Variants in TRERF1 observed in about 807,000 individuals in gnomAD.
TRERF1 encodes the protein transcriptional-regulating factor 1.
A neutral mutation model predicts 122.9 loss-of-function variants in TRERF1; 27 were observed. The observed-to-expected ratio is 0.22, with a 90% CI of 0.16 to 0.30. The LOEUF is 0.30. Among genes scored for constraint, TRERF1 ranks in the 10% least tolerant of loss-of-function variants. The probability of loss-of-function intolerance (pLI) is 1.00; values close to 1 mark genes in which losing one functional copy is unlikely to be tolerated. For synonymous variants in TRERF1, 636 were observed against 641.7 expected (o/e 0.99, Z 0.13); for missense variants, 1,248 against 1,560.3 (o/e 0.80, Z 3.37).
At chr6:42,377,461 C>CT (rs1775113305) in intron 2 of TRERF1, among the ~76,000 whole-genome samples, 1 of 152,208 alleles carries the variant, frequency 6.6e-6, no homozygotes, top group Non-Finnish European at 1.5e-5. Context: ...AGCATAATGT[C>CT]TTCAAGGTTC....
intron 2 of TRERF1, among the ~76,000 whole-genome samples, chr6:42,423,083 C>A (rs963203730): frequency 1.3e-5 from 2 of 152,232 alleles, no homozygotes; most frequent in Non-Finnish European, 2.9e-5. Context: ...AGGTGATCTG[C>A]TTGCCTCTGC....
At chr6:42,381,621 T>C (rs1169073211) in intron 2 of TRERF1, among the ~76,000 whole-genome samples, 1 of 151,886 alleles carries the variant, frequency 6.6e-6, no homozygotes, top group Non-Finnish European at 1.5e-5. Context: ...CCAGCCGTGA[T>C]TGAAGCTGGG....
At chr6:42,427,281 C>T (rs1783765421) in intron 2 of TRERF1, among the ~76,000 whole-genome samples, 1 of 152,136 alleles carries the variant, frequency 6.6e-6, no homozygotes, top group Non-Finnish European at 1.5e-5. Context: ...TTGATGGAGA[C>T]AAGGTCTCAC....
intron 2 of TRERF1, among the ~76,000 whole-genome samples, chr6:42,445,224 C>T (rs752540424): frequency 6.7e-6 from 1 of 150,286 alleles, no homozygotes; most frequent in East Asian, 1.9e-4. Flanking sequence ...GCTGAGATCA[C>T]GCCACTGCAC....
At chr6:42,333,998 TACACACACAC>T (rs3997687) in intron 3 of TRERF1, among the ~76,000 whole-genome samples, 12 of 147,170 alleles carry the variant, frequency 8.2e-5, no homozygotes, top group Non-Finnish European at 1.1e-4. Context: ...ACACATACAC[TACACACACAC>T]ACACACACAC....
intron 3 of TRERF1, among the ~76,000 whole-genome samples, chr6:42,306,840 C>A (rs1026735975): frequency 3.9e-5 from 6 of 152,302 alleles, no homozygotes; most frequent in African/African-American, 1.4e-4. Flanking sequence ...TTGGTCTCCC[C>A]AGTCAGACTG....
chr6:42,365,053 G>A (rs73430816), intron 2 of TRERF1, among the ~76,000 whole-genome samples: 1 of 152,136 alleles, frequency 6.6e-6, no homozygotes, highest in Non-Finnish European at 1.5e-5. Flanking sequence ...GAGTGGGCTC[G>A]CCGTGGAGTA....
In TRERF1 at chr6:42,268,435, AG is replaced by A. The variant is rs1779613531; in HGVS notation, c.1155del (p.Tyr386ThrfsTer22). On this transcript the variant is annotated frameshift_variant, in exon 5 of 18. Transcript: ENST00000372922. LOFTEE classifies it high-confidence loss of function. The surrounding 1 kb of genome is among the most constrained non-coding windows in gnomAD (Gnocchi z 4.4). ...CTCTGCTGGTAGAGGGGGTGGCTGT[AG>A]GGCTGCTGGGGCTCCTGGTAGTAGT... 1 of 1,574,692 alleles carries A rather than the reference AG, an allele frequency of 6.4e-7. No individual in the cohort carries two copies. The highest frequency in any genetic ancestry group is 1.3e-5 in the African/African-American group (1 of 74,108).
At chr6:42,366,891 C>G (rs1233304152) in intron 2 of TRERF1, among the ~76,000 whole-genome samples, 1 of 152,142 alleles carries the variant, frequency 6.6e-6, no homozygotes, top group Admixed American at 6.5e-5. Context: ...ACAGGCAGAT[C>G]TGGGTAACAT....
rs200349355 is a variant in TRERF1 at position 42,259,731 on chromosome 6, C to G, written c.1885-8G>C. On this transcript the variant is annotated splice_polypyrimidine_tract_variant and splice_region_variant and intron_variant, in intron 8 of 17. Coordinates refer to ENST00000372922, the Ensembl canonical transcript of TRERF1. This position sits in a 1 kb window ranked among gnomAD's most constrained non-coding sequence, Gnocchi z 4.9. ...ATGCTTCCTGGGGATTTCCTAAAAC[C>G]GGAACAACGATCTGATTCGAATACT... The G allele has an allele frequency of 9.4e-6, 15 of 1,600,742 alleles. No homozygotes were observed. The highest frequency in any genetic ancestry group is 1.2e-5 in the Non-Finnish European group (14 of 1,179,902).
intron 14 of TRERF1, among the ~76,000 whole-genome samples, chr6:42,244,607 G>A (rs1774416091): frequency 6.6e-6 from 1 of 152,104 alleles, no homozygotes; most frequent in African/African-American, 2.4e-5. Context: ...TCTCAATATA[G>A]CTTGGAAATT....
chr6:42,401,699 A>G (rs1779411647), intron 2 of TRERF1, among the ~76,000 whole-genome samples: 1 of 151,494 alleles, frequency 6.6e-6, no homozygotes, highest in South Asian at 2.1e-4. Flanking sequence ...GCCACTTACC[A>G]CTCTCCACAC....
At chr6:42,330,003 G>C (rs511482) in intron 3 of TRERF1, among the ~76,000 whole-genome samples, 75 of 152,006 alleles carry the variant, frequency 4.9e-4, no homozygotes, top group African/African-American at 1.7e-3. Context: ...GAAAAAAAAA[G>C]TATTGATTCT....
chr6:42,274,931 G>A (rs928144269), intron 4 of TRERF1, among the ~76,000 whole-genome samples: 4 of 152,050 alleles, frequency 2.6e-5, no homozygotes, highest in South Asian at 4.1e-4. Context: ...GTAAAAATAC[G>A]GGCGTGAAAA....
At chr6:42,386,452 A>G (rs2151198047) in intron 2 of TRERF1, among the ~76,000 whole-genome samples, 1 of 152,248 alleles carries the variant, frequency 6.6e-6, no homozygotes, top group South Asian at 2.1e-4. Flanking sequence ...CAAAAAAAGG[A>G]GAAAGAAAGA....
chr6:42,282,474 G>A (rs928866977), intron 4 of TRERF1, among the ~76,000 whole-genome samples: 1 of 152,210 alleles, frequency 6.6e-6, no homozygotes, highest in Non-Finnish European at 1.5e-5. Context: ...ATTGAGCCCA[G>A]AAGGTTAAGG....
chr6:42,449,800 C>T (rs1254612662), intron 2 of TRERF1, among the ~76,000 whole-genome samples: 1 of 152,154 alleles, frequency 6.6e-6, no homozygotes, highest in Non-Finnish European at 1.5e-5. Flanking sequence ...GGAAATCTGA[C>T]GACAGTTAGG....
At chr6:42,271,575 A>G (rs115083547) in intron 4 of TRERF1, among the ~76,000 whole-genome samples, 362 of 152,290 alleles carry the variant, frequency 2.4e-3, no homozygotes, top group African/African-American at 8.3e-3. Context: ...TCAATTAAAA[A>G]AAGTTTATTT....
At chr6:42,340,884 A>T (rs1034102472) in intron 3 of TRERF1, among the ~76,000 whole-genome samples, 2 of 152,168 alleles carry the variant, frequency 1.3e-5, no homozygotes, top group Admixed American at 6.5e-5. Flanking sequence ...TTCCTCCATA[A>T]CACCCCTAGC....
Sources: allele counts gnomAD v4.1 joint callset (sites outside exome capture counted in the v4.1 genomes callset), GRCh38; gene constraint gnomAD v4.1.1; non-coding constraint Gnocchi (gnomAD v3.1); transcripts MANE v1.5; gene names NCBI Gene and HGNC (gene_info 2026-07-23, HGNC 2026-07-21).